Variants in MYH7B observed in about 807,000 individuals in gnomAD.
MYH7B encodes the protein myosin-7B.
MYH7B carries 205 observed loss-of-function variants against 234.5 expected under a neutral mutation model. The ratio of observed to expected loss-of-function variants is 0.87; its 90% confidence interval spans 0.78 to 0.98. The LOEUF is 0.98. Among genes scored for constraint, MYH7B ranks in the 50% least tolerant of loss-of-function variants. MYH7B has a pLI of 0.00. For synonymous variants in MYH7B, 1,193 were observed against 1,105.0 expected (o/e 1.08, Z -1.58); for missense variants, 2,652 against 2,633.4 (o/e 1.01, Z -0.15).
intron 43 of MYH7B, 192 bp downstream of exon 43, chr20:35,001,718 C>T (rs2082389717): frequency 1.2e-6 from 1 of 832,620 alleles, no homozygotes; most frequent in African/African-American, 1.7e-5. Context: ...GTGCTTTCCC[C>T]TGGCCAAGGC....
Position 34,997,187 on chromosome 20 carries a change from G to A in MYH7B, c.3357+14G>A, listed in dbSNP as rs923910283. 9 of 1,550,428 alleles carry A rather than the reference G, an allele frequency of 5.8e-6. No homozygotes were observed. Among genetic ancestry groups the A allele is most frequent in the African/African-American group, 2.7e-5 (2 of 73,104 alleles). On this transcript the variant is annotated intron_variant, in intron 31 of 44. Transcript: ENST00000262873. Reference sequence around the variant, plus strand: ...AAGGAGCTGCAGGTGCGTGGGGATCGGGTGGGTGAGGCCTGGGGTCAGAGG... The same window carrying A: ...AAGGAGCTGCAGGTGCGTGGGGATCAGGTGGGTGAGGCCTGGGGTCAGAGG...
Position 34,999,023 on chromosome 20 carries a change from A to C in MYH7B, c.4191-33A>C, listed in dbSNP as rs1569062678. Reference sequence around the variant, plus strand: ...TGCTGGGGCTGTTCTCCCTCCTTCCATGGTCCACACCTTGTCTGGTTCCAT... The same window carrying C: ...TGCTGGGGCTGTTCTCCCTCCTTCCCTGGTCCACACCTTGTCTGGTTCCAT... On this transcript the variant is annotated intron_variant, in intron 35 of 44. Transcript: ENST00000262873. 2.5e-6 allele frequency: 4 copies of C among 1,589,032 alleles called. No individual in the cohort carries two copies. The East Asian group carries it at 9.0e-5, about 36-fold the overall frequency.
chr20:34,987,295 G>GC lies in MYH7B; in HGVS notation c.1147+11dup, dbSNP rs1210409270. 6.2e-7 allele frequency: 1 copy of GC among 1,609,434 alleles called. No individual in the cohort carries two copies. On this transcript the variant is annotated intron_variant, in intron 16 of 44. Coordinates refer to ENST00000262873, the Ensembl canonical transcript of MYH7B. ...AGGCCGATGGCACTGAGAGTGAGGG[G>GC]CCCTAACCTGGCCTTCAACTTGACC...
chr20:34,995,534 A>C, exon 28 of MYH7B: 2 of 1,614,148 alleles, frequency 1.2e-6, no homozygotes, highest in Non-Finnish European at 1.7e-6. Context: ...CCTGGAGCTG[A>C]CACTGGCCAA....
Position 34,987,892 on chromosome 20 carries a change from TC to T in MYH7B, c.1395del (p.Ile465MetfsTer141). 1.9e-6 allele frequency: 3 copies of T among 1,605,526 alleles called. No homozygotes were observed. Among genetic ancestry groups the T allele is most frequent in the Non-Finnish European group, 2.6e-6 (3 of 1,174,744 alleles). ...CAGTTCTTCATCGGGGTTCTGGACA[TC>T]GCTGGGTTTGAGATCTTTGAGGTGA... is the stretch of plus-strand genomic sequence containing the variant. On this transcript the variant is annotated frameshift_variant, in exon 18 of 45. Coordinates refer to ENST00000262873, the Ensembl canonical transcript of MYH7B. LOFTEE classifies it high-confidence loss of function.
intron 2 of MYH7B, among the ~76,000 whole-genome samples, chr20:34,969,021 A>G (rs2081768667): frequency 6.6e-6 from 1 of 152,198 alleles, no homozygotes; most frequent in African/African-American, 2.4e-5. Context: ...AGAGGACAGG[A>G]GCCTGTTCCT....
In MYH7B at chr20:34,983,718, G is replaced by A. The variant is rs541811499; in HGVS notation, c.625-974G>A. ...AATTTGGCCAAACGGGCTAGAGAGAGCCCTGCACAAAAGCACTGGATGGGA... is the reference window on the plus strand; with the variant it reads ...AATTTGGCCAAACGGGCTAGAGAGAACCCTGCACAAAAGCACTGGATGGGA... On this transcript the variant is annotated intron_variant, in intron 10 of 44. Coordinates refer to ENST00000262873, the Ensembl canonical transcript of MYH7B. Among the ~76,000 whole-genome samples, 27 of 152,314 alleles carry A rather than the reference G, an allele frequency of 1.8e-4. No homozygotes were observed. The South Asian group carries it at 5.6e-3, about 32-fold the overall frequency.
chr20:34,982,438 C>G, intron 9 of MYH7B, 21 bp from the exon 10 acceptor site: 1 of 1,611,886 alleles, frequency 6.2e-7, no homozygotes, highest in South Asian at 1.1e-5. Context: ...GCATTGGTGA[C>G]TCATGTTTGT....
chr20:35,001,561 C>T (rs534271603), intron 43 of MYH7B, 35 bp downstream of exon 43: 19 of 1,552,164 alleles, frequency 1.2e-5, no homozygotes, highest in Non-Finnish European at 1.6e-5. Context: ...CTGGACCGGG[C>T]ACCCCAGCTC....
chr20:34,998,757 G>A (rs762851834), exon 35 of MYH7B: 2 of 1,612,654 alleles, frequency 1.2e-6, no homozygotes, highest in Non-Finnish European at 1.7e-6. Context: ...AGGCTCTGCG[G>A]CACGACTGTG....
exon 2 of MYH7B, among the ~76,000 whole-genome samples, chr20:34,958,212 G>A (rs1433922891): frequency 1.3e-4 from 20 of 152,152 alleles, no homozygotes; most frequent in Admixed American, 1.3e-3. Flanking sequence ...CAATGTGGCA[G>A]GTAAGATGTC....
intron 2 of MYH7B, among the ~76,000 whole-genome samples, chr20:34,971,230 A>G (rs1600410452): frequency 6.6e-6 from 1 of 152,132 alleles, no homozygotes; most frequent in Admixed American, 6.5e-5. Context: ...CCAGCTGTCC[A>G]ATGAGAGAGC....
chr20:34,977,984 C>T, exon 5 of MYH7B: 2 of 1,614,088 alleles, frequency 1.2e-6, no homozygotes, highest in Non-Finnish European at 1.7e-6. Context: ...AGCTCCTCCT[C>T]CTTCACCCCA....
At chr20:34,989,687 C>T in intron 19 of MYH7B, 53 bp from the exon 20 acceptor site, 3 of 1,551,810 alleles carry the variant, frequency 1.9e-6, no homozygotes, top group Middle Eastern at 1.9e-4. Context: ...GGGTTCAGTC[C>T]TTCCAGGATG....
exon 41 of MYH7B, chr20:35,001,094 T>C (rs368973200): frequency 1.9e-6 from 3 of 1,613,776 alleles, no homozygotes; most frequent in East Asian, 2.2e-5. Context: ...CAGGCCCGCC[T>C]TGAGGAGGCA....
rs2081915523 is a variant in MYH7B, at chr20:34,979,834, G to A, written c.342+30G>A. 2.5e-6 allele frequency: 4 copies of A among 1,605,850 alleles called. No individual in the cohort carries two copies. The Admixed American group carries it at 5.0e-5, about 20-fold the overall frequency. On this transcript the variant is annotated intron_variant, in intron 7 of 44. Coordinates refer to ENST00000262873, the Ensembl canonical transcript of MYH7B. ...GCCCCAGGCCCGGGCCATGGGCGGG[G>A]TGGGGCTTGTATGTGGGGCGGGGCT... is the stretch of plus-strand genomic sequence containing the variant.
At chr20:34,985,951 G>A (rs999200336) in intron 13 of MYH7B, 149 bp from the exon 14 acceptor site, 1 of 681,324 alleles carries the variant, frequency 1.5e-6, no homozygotes, top group Non-Finnish European at 2.6e-6. Flanking sequence ...CGCAGGCACA[G>A]GGGAGATACC....
At chr20:34,982,166 G>A (rs1207246291) in intron 9 of MYH7B, 1 of 362,464 alleles carries the variant, frequency 2.8e-6, no homozygotes, top group Admixed American at 4.4e-5. Context: ...CCTAAAATGG[G>A]GGTGATAATG....
At chr20:34,989,625 G>A (rs1486567223) in intron 19 of MYH7B, 115 bp from the exon 20 acceptor site, 3 of 1,034,990 alleles carry the variant, frequency 2.9e-6, no homozygotes, top group Non-Finnish European at 2.7e-6. Context: ...GGAGATGGCT[G>A]AAGCTGGGGA....
Sources: allele counts gnomAD v4.1 joint callset (sites outside exome capture counted in the v4.1 genomes callset), GRCh38; gene constraint gnomAD v4.1.1; transcripts MANE v1.5; gene names NCBI Gene and HGNC (gene_info 2026-07-23, HGNC 2026-07-21).